The following LYPD1 variants were observed in gnomAD, a reference collection of about 807,000 sequenced individuals.
LYPD1 encodes LY6/PLAUR domain containing 1, also known as ly6/PLAUR domain-containing protein 1.
Under a neutral mutation model 14.2 loss-of-function variants are expected in LYPD1, and 14 were observed. That is an observed-to-expected ratio of 0.99 (90% CI 0.65 to 1.54). LYPD1 has a LOEUF of 1.54. Among genes scored for constraint, LYPD1 ranks in the 40% most tolerant of loss-of-function variants. LYPD1 has a pLI of 0.00. For missense variants in LYPD1, 165 were observed against 175.7 expected, an observed-to-expected ratio of 0.94 and a Z score of 0.34; for synonymous variants, 85 against 70.6, an observed-to-expected ratio of 1.20 and a Z score of -1.02.
intron 2 of LYPD1, among the ~76,000 whole-genome samples, chr2:132,651,292 A>C (rs1216426857): frequency 6.6e-6 from 1 of 152,208 alleles, no homozygotes; most frequent in Non-Finnish European, 1.5e-5. Flanking sequence ...TATGTCCACC[A>C]GAGGGCTCTA....
At position 132,670,037 on chromosome 2, in the gene LYPD1, C is replaced by T; in HGVS notation, c.-105G>A. On this transcript the variant is annotated 5_prime_UTR_variant, in exon 1 of 3. Coordinates refer to ENST00000397463, the MANE Select transcript of LYPD1 (RefSeq NM_144586.7). This position sits in a 1 kb window ranked among gnomAD's most constrained non-coding sequence, Gnocchi z 4.5. Reference sequence around the variant, plus strand: ...GCTGTGGCTGCCGAGGCTGCTGGGGCCCGCGCTGCTGCCGCGGAGACGACG... The same window carrying T: ...GCTGTGGCTGCCGAGGCTGCTGGGGTCCGCGCTGCTGCCGCGGAGACGACG... 4.5e-6 allele frequency: 7 copies of T among 1,552,344 alleles called. No homozygotes were observed. The highest frequency in any genetic ancestry group is 6.0e-6 in the Non-Finnish European group (7 of 1,158,400).
Position 132,644,622 on chromosome 2 carries a change from C to T in LYPD1, c.*1423G>A, listed in dbSNP as rs1681952871. Among the ~76,000 whole-genome samples the T allele has an allele frequency of 6.6e-6, 1 of 152,230 alleles. No individual in the cohort carries two copies. The highest frequency in any genetic ancestry group is 1.5e-5 in the Non-Finnish European group (1 of 68,040). ...ATATGCTGCTTTGTTGCCAAAGGGA[C>T]ACTTCTTCCATTTGATTTAAAAATA... is the stretch of plus-strand genomic sequence containing the variant. On this transcript the variant is annotated 3_prime_UTR_variant, in exon 3 of 3. Transcript: ENST00000397463.
Position 132,645,813 on chromosome 2 carries a change from C to A in LYPD1, c.*232G>T. On this transcript the variant is annotated 3_prime_UTR_variant, in exon 3 of 3. Coordinates refer to ENST00000397463, the MANE Select transcript of LYPD1 (RefSeq NM_144586.7). ...CCGGTTACACAGACATGGGGGTGAA[C>A]TTTCACTCCACCTCCTTCCTTCAAG... 1 of 715,578 alleles carries A rather than the reference C, an allele frequency of 1.4e-6. No homozygotes were observed. The highest frequency in any genetic ancestry group is 2.2e-6 in the Non-Finnish European group (1 of 446,098). 44.3% of individuals were successfully genotyped at this position (715,578 alleles called of 1,614,324 possible).
At chr2:132,658,319 C>T (rs142322802) in intron 2 of LYPD1, among the ~76,000 whole-genome samples, 182 of 152,294 alleles carry the variant, frequency 1.2e-3, no homozygotes, top group African/African-American at 4.1e-3. Context: ...CTGCTACTTG[C>T]AGCCAAAAAC....
chr2:132,668,630 C>CGCT, intron 1 of LYPD1, 93 bp from the exon 2 acceptor site: 2 of 1,525,482 alleles, frequency 1.3e-6, no homozygotes, highest in Non-Finnish European at 1.8e-6. Context: ...CAGGCGGCTC[C>CGCT]CAGCCTCTGG....
intron 2 of LYPD1, among the ~76,000 whole-genome samples, chr2:132,651,967 C>T (rs1682377823): frequency 6.6e-6 from 1 of 152,198 alleles, no homozygotes; most frequent in Admixed American, 6.5e-5. Context: ...TTCGGCACAA[C>T]TGCAGCAGCA....
At chr2:132,664,051 GTGTGTGTGCACATA>G (rs777788120) in intron 2 of LYPD1, among the ~76,000 whole-genome samples, 2 of 152,214 alleles carry the variant, frequency 1.3e-5, no homozygotes, top group South Asian at 4.2e-4. Flanking sequence ...ATGACTGTGT[GTGTGTGTGCACATA>G]TGTGTGCGCA....
Position 132,644,696 on chromosome 2 carries a change from T to G in LYPD1, c.*1349A>C, listed in dbSNP as rs1212958116. ...CATCCTTTAAAATACAAACACTGCT[T>G]TATCTAATGCAGCTATACTGTATGT... On this transcript the variant is annotated 3_prime_UTR_variant, in exon 3 of 3. Coordinates refer to ENST00000397463, the MANE Select transcript of LYPD1 (RefSeq NM_144586.7). Among the ~76,000 whole-genome samples the G allele has an allele frequency of 6.6e-6, 1 of 152,230 alleles. No homozygotes were observed. Among genetic ancestry groups the G allele is most frequent in the East Asian group, 1.9e-4 (1 of 5,202 alleles).
At chr2:132,667,173 C>T (rs76371374) in intron 2 of LYPD1, among the ~76,000 whole-genome samples, 4,266 of 152,188 alleles carry the variant, frequency 0.028, 201 homozygotes, top group African/African-American at 0.097. Flanking sequence ...TCCCACGTGC[C>T]AAAATAATGT....
At position 132,646,268 on chromosome 2, in the gene LYPD1, C is replaced by G. The variant is rs1270619003; in HGVS notation, c.203G>C (p.Arg68Pro). 2.6e-6 allele frequency: 4 copies of G among 1,551,210 alleles called. No homozygotes were observed. The highest frequency in any genetic ancestry group is 3.5e-6 in the Non-Finnish European group (4 of 1,145,246). Reference sequence around the variant, plus strand: ...GGCCGCTGATGATGCACAGGACTTGCGGTACATGATCCCTGTAACACAGAC... The same window carrying G: ...GGCCGCTGATGATGCACAGGACTTGGGGTACATGATCCCTGTAACACAGAC... Reference protein sequence around the residue: ...VMEQSAGIMYRKSCASSAACL... With the variant: ...VMEQSAGIMYPKSCASSAACL... The change falls in exon 3 of 3, where the codon CGC (arginine) becomes CCC (proline). Residue 68 changes from arginine to proline, a missense_variant. Coordinates refer to ENST00000397463, the MANE Select transcript of LYPD1 (RefSeq NM_144586.7).
intron 2 of LYPD1, among the ~76,000 whole-genome samples, chr2:132,656,034 C>T (rs1190807042): frequency 6.6e-6 from 1 of 152,184 alleles, no homozygotes; most frequent in Non-Finnish European, 1.5e-5. Flanking sequence ...TTACAAACGA[C>T]GTGCTACAAG....
At position 132,646,237 on chromosome 2, in the gene LYPD1, G is replaced by A; in HGVS notation, c.234C>T (p.Leu78=). Residue 78 remains leucine (L), a synonymous_variant, in exon 3 of 3, where the codon CTC becomes CTT. Transcript: ENST00000397463. ...RKSCASSAAC[L]IASAGYQSFC... ...AGGACTGGTACCCGGCAGAGGCGAT[G>A]AGACAGGCCGCTGATGATGCACAGG... 1 of 1,584,606 alleles carries A rather than the reference G, an allele frequency of 6.3e-7. No homozygotes were observed. Among genetic ancestry groups the A allele is most frequent in the Non-Finnish European group, 8.6e-7 (1 of 1,162,948 alleles).
Position 132,670,079 on chromosome 2 carries a change from G to A in LYPD1, c.-147C>T. 1 of 1,483,290 alleles carries A rather than the reference G, an allele frequency of 6.7e-7. No homozygotes were observed. Among genetic ancestry groups the A allele is most frequent in the Non-Finnish European group, 8.9e-7 (1 of 1,124,886 alleles). The allele number at this position is 1,483,290 out of a possible 1,614,324, so 91.9% of individuals were successfully genotyped here. On this transcript the variant is annotated 5_prime_UTR_variant, in exon 1 of 3. Transcript: ENST00000397463. This position sits in a 1 kb window ranked among gnomAD's most constrained non-coding sequence, Gnocchi z 4.5. ...GAGACGACGGTCGTAGCTTAGAGGA[G>A]CCGCAGGTGCCGCTCGCGGAGCCTG...
intron 2 of LYPD1, among the ~76,000 whole-genome samples, chr2:132,662,017 T>G (rs1682976917): frequency 6.6e-6 from 1 of 152,052 alleles, no homozygotes; most frequent in Non-Finnish European, 1.5e-5. Flanking sequence ...TTGACTTTTC[T>G]GTGTCTTAGA....
In LYPD1 at chr2:132,654,489, C is replaced by T. The variant is rs12995716; in HGVS notation, c.191-8209G>A. On this transcript the variant is annotated intron_variant, in intron 2 of 2. Transcript: ENST00000397463. ...TACCCCCAACAAATGCAGTGAAATA[C>T]GCTTGACCACTCTCATGCTGAGTAA... 4.7e-3 allele frequency among the ~76,000 whole-genome samples: 707 copies of T among 151,958 alleles called. 4 individuals carry two copies. Among genetic ancestry groups the T allele is most frequent in the South Asian group, 9.6e-3 (46 of 4,806 alleles).
In LYPD1 at chr2:132,670,011, G is replaced by A; in HGVS notation, c.-79C>T. On this transcript the variant is annotated 5_prime_UTR_variant, in exon 1 of 3. Transcript: ENST00000397463. The surrounding 1 kb of genome is among the most constrained non-coding windows in gnomAD (Gnocchi z 4.5). ...CAGCGGAGGCTGCCCCGGCTGCAGC[G>A]GCTGTGGCTGCCGAGGCTGCTGGGG... 3 of 1,579,154 alleles carry A rather than the reference G, an allele frequency of 1.9e-6. No homozygotes were observed. Among genetic ancestry groups the A allele is most frequent in the Non-Finnish European group, 2.6e-6 (3 of 1,169,554 alleles).
At position 132,646,071 on chromosome 2, in the gene LYPD1, A is replaced by G. The variant is rs1177597365; in HGVS notation, c.400T>C (p.Leu134=). Residue 134 remains leucine, a synonymous_variant, in exon 3 of 3, where the codon TTA becomes CTA. Transcript: ENST00000397463. ...CAGCAGTGTGCCGAGAAGAGGGCTA[A>G]TTTGAGGAACAGGATGGTGGTGCGG... ...GLRTTILFLK[L]ALFSAHC The G allele has an allele frequency of 4.4e-6, 7 of 1,590,276 alleles. No individual in the cohort carries two copies. In the South Asian group the frequency reaches 6.8e-5, roughly 16 times the overall value.
At position 132,669,137 on chromosome 2, in the gene LYPD1, G is replaced by A. The variant is rs750527998; in HGVS notation, c.53-600C>T. Among the ~76,000 whole-genome samples, 1 of 152,144 alleles carries A rather than the reference G, an allele frequency of 6.6e-6. No homozygotes were observed. Among genetic ancestry groups the A allele is most frequent in the Non-Finnish European group, 1.5e-5 (1 of 68,026 alleles). ...CCCGGGTCGGCGGCCCTTCTCCGGG[G>A]CCGTCCCCGCGGCGACCCGAATGGC... On this transcript the variant is annotated intron_variant, in intron 1 of 2. Coordinates refer to ENST00000397463, the MANE Select transcript of LYPD1 (RefSeq NM_144586.7). This position sits in a 1 kb window ranked among gnomAD's most constrained non-coding sequence, Gnocchi z 4.3.
At position 132,644,464 on chromosome 2, in the gene LYPD1, T is replaced by C. The variant is rs1269551471; in HGVS notation, c.*1581A>G. Among the ~76,000 whole-genome samples, 1 of 152,244 alleles carries C rather than the reference T, an allele frequency of 6.6e-6. No individual in the cohort carries two copies. The highest frequency in any genetic ancestry group is 6.5e-5 in the Admixed American group (1 of 15,290). On this transcript the variant is annotated 3_prime_UTR_variant, in exon 3 of 3. Coordinates refer to ENST00000397463, the MANE Select transcript of LYPD1 (RefSeq NM_144586.7). ...AAAAGTGTCTGAAAAGAAACACATA[T>C]GCTGTTGCAGATATGAGCATCATGA... is the stretch of plus-strand genomic sequence containing the variant.
Sources: gnomAD v4.1 joint callset for allele counts (sites outside exome capture counted in the v4.1 genomes callset) on GRCh38, gnomAD v4.1.1 for gene constraint, Gnocchi (gnomAD v3.1) non-coding constraint, MANE v1.5 for transcripts, NCBI Gene and HGNC (gene_info 2026-07-23, HGNC 2026-07-21) for gene names.